NPHP3: variants seen among roughly 807,000 people sequenced by gnomAD.
NPHP3 encodes the protein nephrocystin 3, also known as nephrocystin-3.
In NPHP3, 123 loss-of-function variants were observed where a neutral mutation model predicts 171.9. That is an observed-to-expected ratio of 0.72 (90% CI 0.62 to 0.83). The LOEUF is 0.83. NPHP3 is among the 40% of genes least tolerant of loss of function. The probability of loss-of-function intolerance (pLI) is 0.00; values close to 1 mark genes in which losing one functional copy is unlikely to be tolerated. For missense variants in NPHP3, 1,506 were observed against 1,591.9 expected (o/e 0.95, Z 0.92); for synonymous variants, 558 against 579.2 (o/e 0.96, Z 0.52).
intron 3 of NPHP3, among the ~76,000 whole-genome samples, chr3:132,717,665 T>G (rs1269725169): frequency 6.6e-6 from 1 of 152,168 alleles, no homozygotes; most frequent in Admixed American, 6.5e-5. Flanking sequence ...CACTGTACAT[T>G]TGAGTATGTC....
chr3:132,716,726 A>G, intron 4 of NPHP3, 31 bp downstream of exon 4: 3 of 1,607,488 alleles, frequency 1.9e-6, no homozygotes, highest in Non-Finnish European at 2.6e-6. Flanking sequence ...CACTACCACT[A>G]GGCAAGTAAT....
intron 23 of NPHP3, 108 bp from the exon 24 acceptor site, chr3:132,684,902 TTAAAA>T (rs1286567914): frequency 2.2e-6 from 3 of 1,334,690 alleles, no homozygotes; most frequent in Non-Finnish European, 3.2e-6. Context: ...TAGATTCTAG[TTAAAA>T]TAAGAGATTC....
At chr3:132,693,877 A>G (rs1939373070) in intron 16 of NPHP3, 1 of 128,260 alleles carries the variant, frequency 7.8e-6, no homozygotes, top group Non-Finnish European at 1.7e-5. Flanking sequence ...TGTCTCGGGA[A>G]AAAAAAAAAA....
intron 13 of NPHP3, among the ~76,000 whole-genome samples, chr3:132,698,900 CT>C (rs898377885): frequency 5.3e-5 from 8 of 150,922 alleles, no homozygotes; most frequent in Non-Finnish European, 1.0e-4. Context: ...CCCCAAATCC[CT>C]TTTTTTTTGG....
intron 5 of NPHP3, 24 bp downstream of exon 5, chr3:132,715,061 T>C (rs770748183): frequency 5.6e-6 from 9 of 1,593,180 alleles, no homozygotes; most frequent in Middle Eastern, 1.7e-4. Flanking sequence ...AATTGGTTGA[T>C]ACAGAATTTA....
At chr3:132,700,670 T>A (rs1259907666) in intron 10 of NPHP3, among the ~76,000 whole-genome samples, 1 of 152,174 alleles carries the variant, frequency 6.6e-6, no homozygotes, top group Non-Finnish European at 1.5e-5. Flanking sequence ...CAAATAGATG[T>A]TAATTAACAG....
intron 1 of NPHP3, among the ~76,000 whole-genome samples, chr3:132,720,854 G>A (rs1346833388): frequency 1.3e-5 from 2 of 151,868 alleles, no homozygotes; most frequent in South Asian, 2.1e-4. Flanking sequence ...ACGACCAGAG[G>A]GGCCCCAAAC....
At chr3:132,701,231 T>C (rs1171381778) in intron 10 of NPHP3, among the ~76,000 whole-genome samples, 199 bp downstream of exon 10, 1 of 152,258 alleles carries the variant, frequency 6.6e-6, no homozygotes, top group Non-Finnish European at 1.5e-5. Flanking sequence ...TCATGCTTCC[T>C]ATTCCTTTCT....
chr3:132,692,919 C>A, intron 16 of NPHP3, 101 bp from the exon 17 acceptor site: 1 of 914,868 alleles, frequency 1.1e-6, no homozygotes. Context: ...TTCTTTTTAC[C>A]AAAACTTATA....
At chr3:132,685,789 C>T (rs1286778568) in intron 23 of NPHP3, 2 of 164,430 alleles carry the variant, frequency 1.2e-5, no homozygotes, top group East Asian at 1.7e-4. Context: ...TGGTGGCTCA[C>T]GCCTGTAATC....
In NPHP3 at chr3:132,682,265, CCAGTAT is replaced by C. The variant is rs1939050891; in HGVS notation, c.3813-181_3813-176del. 1.7e-5 allele frequency: 11 copies of C among 633,348 alleles called. No homozygotes were observed. In the East Asian group the frequency reaches 3.0e-4, roughly 17 times the overall value. The allele number at this position is 633,348 out of a possible 1,614,324, so 39.2% of individuals were successfully genotyped here. Reference sequence around the variant, plus strand: ...AACACCCAAACTCTTCTCCTTTCTACCAGTATCAGTATTTTTGTGTCTCATATGGAT... The same window carrying C: ...AACACCCAAACTCTTCTCCTTTCTACCAGTATTTTTGTGTCTCATATGGAT... On this transcript the variant is annotated intron_variant, in intron 26 of 26. Coordinates refer to ENST00000337331, the MANE Select transcript of NPHP3 (RefSeq NM_153240.5).
rs1377517716 is a variant in NPHP3, at chr3:132,684,742, C to G, written c.3382G>C (p.Gly1128Arg). The G allele has an allele frequency of 6.2e-7, 1 of 1,613,886 alleles. No homozygotes were observed. Among genetic ancestry groups the G allele is most frequent in the African/African-American group, 1.3e-5 (1 of 74,922 alleles). Residue 1128 changes from glycine to arginine, a missense_variant, in exon 24 of 27, where the codon GGA becomes CGA. Coordinates refer to ENST00000337331, the MANE Select transcript of NPHP3 (RefSeq NM_153240.5). ...RSLEMRERVL[G>R]PDHPDCAQSL... ...TGAGCACAGTCAGGGTGATCTGGTC[C>G]TAGAACTCGCTCCCTCATTTCTAAG...
intron 22 of NPHP3, among the ~76,000 whole-genome samples, 174 bp downstream of exon 22, chr3:132,686,977 T>A (rs1939178401): frequency 6.6e-6 from 1 of 152,182 alleles, no homozygotes; most frequent in Admixed American, 6.5e-5. Flanking sequence ...GTCTAAATTG[T>A]ACTTCTCAGT....
At chr3:132,682,488 GC>G in intron 26 of NPHP3, 1 of 585,056 alleles carries the variant, frequency 1.7e-6, no homozygotes, top group Non-Finnish European at 3.0e-6. Flanking sequence ...TTCACTGTTT[GC>G]CATGATGCAT....
At chr3:132,709,163 T>G (rs566758934) in intron 6 of NPHP3, among the ~76,000 whole-genome samples, 1 of 152,000 alleles carries the variant, frequency 6.6e-6, no homozygotes, top group Non-Finnish European at 1.5e-5. Context: ...AAAACAACTT[T>G]GTTATAGGGA....
chr3:132,686,616 T>C (rs1377645369), intron 22 of NPHP3, among the ~76,000 whole-genome samples: 4 of 152,216 alleles, frequency 2.6e-5, no homozygotes, highest in African/African-American at 9.6e-5. Context: ...GATTATATTT[T>C]AGAAAGTAAA....
intron 7 of NPHP3, among the ~76,000 whole-genome samples, chr3:132,706,507 A>G (rs1251313229): frequency 6.6e-6 from 1 of 152,124 alleles, no homozygotes; most frequent in African/African-American, 2.4e-5. Context: ...CAATAAAGCT[A>G]TAATTCTATA....
At chr3:132,693,000 T>G in intron 16 of NPHP3, 182 bp from the exon 17 acceptor site, 2 of 603,348 alleles carry the variant, frequency 3.3e-6, no homozygotes, top group Non-Finnish European at 5.8e-6. Flanking sequence ...TAATGAAGAT[T>G]AAGATAGTGT....
chr3:132,682,882 A>AATCAAAGTAGGTT, intron 25 of NPHP3, 64 bp from the exon 26 acceptor site: 2 of 978,404 alleles, frequency 2.0e-6, no homozygotes, highest in Non-Finnish European at 3.3e-6. Context: ...ATTCTAGACT[A>AATCAAAGTAGGTT]AGCTAACCTA....
Sources: gnomAD v4.1 joint callset for allele counts (sites outside exome capture counted in the v4.1 genomes callset) on GRCh38, gnomAD v4.1.1 for gene constraint, MANE v1.5 for transcripts, NCBI Gene and HGNC (gene_info 2026-07-23, HGNC 2026-07-21) for gene names.